The following FAM13A variants were observed in gnomAD, a reference collection of about 807,000 sequenced individuals.
The protein encoded by FAM13A is protein FAM13A.
Under a neutral mutation model 129.6 loss-of-function variants are expected in FAM13A, and 76 were observed. The observed-to-expected ratio is 0.59, with a 90% CI of 0.49 to 0.71. The LOEUF is 0.71. FAM13A is among the 30% of genes least tolerant of loss of function. The probability of loss-of-function intolerance (pLI) is 0.00; values close to 1 mark genes in which losing one functional copy is unlikely to be tolerated. For synonymous variants in FAM13A, 443 were observed against 449.9 expected (o/e 0.98, Z 0.20); for missense variants, 1,108 against 1,249.3 (o/e 0.89, Z 1.70).
At chr4:89,009,300 G>C (rs1361496623) in intron 3 of FAM13A, among the ~76,000 whole-genome samples, 1 of 152,168 alleles carries the variant, frequency 6.6e-6, no homozygotes, top group Non-Finnish European at 1.5e-5. Context: ...ACTTTCCTCT[G>C]TATTCTTGTA....
intron 4 of FAM13A, among the ~76,000 whole-genome samples, chr4:88,946,797 C>T (rs1054596992): frequency 4.6e-5 from 7 of 151,930 alleles, no homozygotes; most frequent in Middle Eastern, 3.2e-3. Flanking sequence ...AGTAATAGTA[C>T]CAGTCTCCCT....
At chr4:88,959,991 G>T (rs185833808) in intron 4 of FAM13A, among the ~76,000 whole-genome samples, 1 of 152,186 alleles carries the variant, frequency 6.6e-6, no homozygotes, top group South Asian at 2.1e-4. Context: ...CCTGGTTCTC[G>T]GCAAGAAGGC....
intron 4 of FAM13A, among the ~76,000 whole-genome samples, chr4:88,975,850 C>T (rs1337996286): frequency 1.3e-5 from 2 of 152,138 alleles, no homozygotes; most frequent in Non-Finnish European, 1.5e-5. Context: ...TAAATAACAT[C>T]TGTAGTATTA....
intron 4 of FAM13A, among the ~76,000 whole-genome samples, chr4:88,989,201 C>T (rs886248327): frequency 2.7e-5 from 3 of 110,102 alleles, no homozygotes; most frequent in African/African-American, 1.1e-4. Flanking sequence ...GAGCCAGACT[C>T]TGTCTCAAAA....
intron 6 of FAM13A, among the ~76,000 whole-genome samples, chr4:88,891,922 A>T (rs960422543): frequency 1.3e-5 from 2 of 152,286 alleles, no homozygotes; most frequent in African/African-American, 4.8e-5. Flanking sequence ...TTAGCCTGTA[A>T]TCCCAGCACT....
chr4:88,994,857 T>C (rs1039058893), intron 3 of FAM13A, among the ~76,000 whole-genome samples: 16 of 149,310 alleles, frequency 1.1e-4, no homozygotes, highest in African/African-American at 4.0e-4. Flanking sequence ...AAAAATTTCC[T>C]AATAATTACT....
intron 9 of FAM13A, 33 bp from the exon 10 acceptor site, chr4:88,787,965 G>C: frequency 6.3e-7 from 1 of 1,582,206 alleles, no homozygotes; most frequent in Non-Finnish European, 8.6e-7. Flanking sequence ...CATTCAAGCA[G>C]TCAAGTTCAT....
intron 2 of FAM13A, among the ~76,000 whole-genome samples, chr4:89,025,279 A>G (rs1261007236): frequency 2.3e-5 from 1 of 43,846 alleles, no homozygotes; most frequent in Admixed American, 3.4e-4. Flanking sequence ...TTTTTTTGAG[A>G]CGGAGTCTCG....
chr4:88,896,299 T>G, intron 6 of FAM13A, among the ~76,000 whole-genome samples: 1 of 148,176 alleles, frequency 6.7e-6, no homozygotes, highest in Non-Finnish European at 1.5e-5. Context: ...AGGGATACCA[T>G]TGGGAGATAC....
intron 6 of FAM13A, among the ~76,000 whole-genome samples, chr4:88,852,516 C>G (rs1289308881): frequency 6.6e-6 from 1 of 152,152 alleles, no homozygotes; most frequent in African/African-American, 2.4e-5. Context: ...AACACACTAC[C>G]ACATAGTCTA....
intron 3 of FAM13A, among the ~76,000 whole-genome samples, chr4:89,007,381 C>T (rs6823536): frequency 0.54 from 82,157 of 151,896 alleles, 22,779 homozygotes; most frequent in Middle Eastern, 0.7. Flanking sequence ...TGAAGAAGCC[C>T]ACAGAAAAAG....
intron 1 of FAM13A, among the ~76,000 whole-genome samples, chr4:89,033,430 G>C (rs1449328384): frequency 6.6e-6 from 1 of 152,222 alleles, no homozygotes; most frequent in East Asian, 1.9e-4. Context: ...ATAAGAAAGT[G>C]GTGCAACCAG....
In FAM13A at chr4:88,901,484, T is replaced by A. The variant is rs564831064; in HGVS notation, c.843+4895A>T. Among the ~76,000 whole-genome samples, 12 of 152,098 alleles carry A rather than the reference T, an allele frequency of 7.9e-5. 1 individual carries two copies. In the South Asian group the frequency reaches 2.5e-3, roughly 32 times the overall value. On this transcript the variant is annotated intron_variant, in intron 6 of 23. Transcript: ENST00000264344. ...CAAATTAGAACTCAAGATTAAGAAA[T>A]TCACTCAAAACCACACAACTACATG...
intron 14 of FAM13A, among the ~76,000 whole-genome samples, chr4:88,755,078 A>C (rs1743360826): frequency 1.3e-5 from 2 of 152,130 alleles, no homozygotes; most frequent in South Asian, 4.1e-4. Flanking sequence ...TTTCAAATGC[A>C]CCATTTCCCC....
At chr4:88,742,535 C>T (rs1161264241) in intron 19 of FAM13A, among the ~76,000 whole-genome samples, 4 of 152,122 alleles carry the variant, frequency 2.6e-5, no homozygotes, top group Non-Finnish European at 4.4e-5. Context: ...GAATAACGAC[C>T]TGATTTTTAT....
chr4:88,801,722 T>C (rs766260841), intron 8 of FAM13A, among the ~76,000 whole-genome samples: 2 of 152,142 alleles, frequency 1.3e-5, no homozygotes, highest in East Asian at 1.9e-4. Flanking sequence ...GCAAGTTATA[T>C]GTATAATCCA....
chr4:89,030,715 T>C (rs1477987664), intron 1 of FAM13A, among the ~76,000 whole-genome samples: 2 of 152,212 alleles, frequency 1.3e-5, no homozygotes, highest in Non-Finnish European at 2.9e-5. Flanking sequence ...GACAGTTTCA[T>C]CTTGCTCTAG....
At chr4:88,792,733 C>G (rs555375298) in intron 8 of FAM13A, among the ~76,000 whole-genome samples, 1 of 152,028 alleles carries the variant, frequency 6.6e-6, no homozygotes, top group South Asian at 2.1e-4. Context: ...ATTCCAAAGA[C>G]ATGTCATTAG....
chr4:88,809,253 A>T (rs1001051197), intron 7 of FAM13A, among the ~76,000 whole-genome samples: 26 of 152,236 alleles, frequency 1.7e-4, no homozygotes, highest in Non-Finnish European at 3.8e-4. Flanking sequence ...CAATTACTCG[A>T]TCAAACCACC....
Sources: gnomAD v4.1 joint callset for allele counts (sites outside exome capture counted in the v4.1 genomes callset) on GRCh38, gnomAD v4.1.1 for gene constraint, MANE v1.5 for transcripts, NCBI Gene and HGNC (gene_info 2026-07-23, HGNC 2026-07-21) for gene names.